ANK3: variants seen among roughly 807,000 people sequenced by gnomAD.
ANK3 encodes ankyrin-3.
Under a neutral mutation model 370.9 loss-of-function variants are expected in ANK3, and 57 were observed. That is an observed-to-expected ratio of 0.15 (90% CI 0.12 to 0.19). The LOEUF (loss-of-function observed/expected upper bound fraction) is 0.19. ANK3 is among the 10% of genes least tolerant of loss of function. ANK3 has a pLI of 1.00. For synonymous variants in ANK3, 1,929 were observed against 1,946.3 expected, an observed-to-expected ratio of 0.99 and a Z score of 0.23; for missense variants, 4,439 against 5,302.1, an observed-to-expected ratio of 0.84 and a Z score of 5.06.
intron 2 of ANK3, among the ~76,000 whole-genome samples, chr10:60,476,568 T>C (rs935261785): frequency 2.0e-5 from 3 of 152,218 alleles, no homozygotes; most frequent in South Asian, 2.1e-4. Context: ...AAAAATTATA[T>C]GTAGGCACTA....
At chr10:60,447,920 G>T (rs530252451) in intron 2 of ANK3, among the ~76,000 whole-genome samples, 1 of 152,118 alleles carries the variant, frequency 6.6e-6, no homozygotes, top group Non-Finnish European at 1.5e-5. Flanking sequence ...TTATGGTTTT[G>T]TTCCCCTTAA....
At chr10:60,222,213 G>C (rs2097071929) in intron 8 of ANK3, among the ~76,000 whole-genome samples, 1 of 152,164 alleles carries the variant, frequency 6.6e-6, no homozygotes, top group Non-Finnish European at 1.5e-5. Context: ...AGCTGCACAA[G>C]ATATCAATGA....
At chr10:60,657,559 T>G (rs1358828851) in intron 1 of ANK3, among the ~76,000 whole-genome samples, 1 of 152,216 alleles carries the variant, frequency 6.6e-6, no homozygotes, top group Non-Finnish European at 1.5e-5. Context: ...ATTTTAGTTT[T>G]ATTTTATTGT....
At chr10:60,586,321 C>T (rs1457771321) in intron 2 of ANK3, among the ~76,000 whole-genome samples, 1 of 152,152 alleles carries the variant, frequency 6.6e-6, no homozygotes, top group African/African-American at 2.4e-5. Context: ...CGAGAAATTT[C>T]TTTCAATGTC....
intron 2 of ANK3, among the ~76,000 whole-genome samples, chr10:60,424,930 T>C (rs921490820): frequency 6.6e-6 from 1 of 152,030 alleles, no homozygotes; most frequent in Admixed American, 6.6e-5. Context: ...GAAAGGCATA[T>C]ATGACCCCTA....
intron 23 of ANK3, among the ~76,000 whole-genome samples, chr10:60,164,687 C>G (rs2095579136): frequency 1.3e-5 from 2 of 152,050 alleles, no homozygotes. Flanking sequence ...TTTTTAAAGA[C>G]AGAATTGTCC....
At chr10:60,535,130 G>A (rs972808733) in intron 2 of ANK3, among the ~76,000 whole-genome samples, 8 of 152,128 alleles carry the variant, frequency 5.3e-5, no homozygotes, top group Non-Finnish European at 8.8e-5. Flanking sequence ...AGCAATACAG[G>A]TCACTGTAGA....
In ANK3 at chr10:60,123,664, G is replaced by T. The variant is rs927529516; in HGVS notation, c.2842-9333C>A. On this transcript the variant is annotated intron_variant, in intron 25 of 43. Transcript: ENST00000280772. Reference sequence around the variant, plus strand: ...GCTCTACCATCTATGGGTGAAGGTGGTCTTGCAAATTAACTGGTAGCCTTG... The same window carrying T: ...GCTCTACCATCTATGGGTGAAGGTGTTCTTGCAAATTAACTGGTAGCCTTG... Among the ~76,000 whole-genome samples the T allele has an allele frequency of 2.6e-5, 4 of 152,324 alleles. No homozygotes were observed. The South Asian group carries it at 6.2e-4, about 24-fold the overall frequency.
chr10:60,050,878 G>GTGTT (rs2077829938), intron 42 of ANK3: 1 of 147,280 alleles, frequency 6.8e-6, no homozygotes, highest in Admixed American at 6.7e-5. Flanking sequence ...TTTTTCTTGT[G>GTGTT]TGTTAGTAAA....
In ANK3 at chr10:60,138,993, C is replaced by G; in HGVS notation, c.2709G>C (p.Met903Ile). The change falls in exon 24 of 44, where the codon ATG becomes ATC. Residue 903 changes from methionine to isoleucine, a missense_variant. Around this residue, in one of 13 missense-constraint regions of ANK3, gnomAD observed 702 missense variants for 941.5 expected, o/e 0.75. Coordinates refer to ENST00000280772, the MANE Select transcript of ANK3 (RefSeq NM_020987.5). ...CAGAACGCGCTCCGAGACTAAAGCC[C>G]ATGTAACCCTCTGCAGGCAGGGAAT... ...GDDSLPAEGY[M>I]GFSLGARSAS... The G allele has an allele frequency of 6.2e-7, 1 of 1,613,830 alleles. No homozygotes were observed. Among genetic ancestry groups the G allele is most frequent in the Non-Finnish European group, 8.5e-7 (1 of 1,179,870 alleles).
At chr10:60,160,571 A>G (rs2095472805) in intron 23 of ANK3, among the ~76,000 whole-genome samples, 1 of 152,144 alleles carries the variant, frequency 6.6e-6, no homozygotes, top group Non-Finnish European at 1.5e-5. Context: ...TTACCATGAT[A>G]CCAAAACCAG....
chr10:60,518,726 A>G (rs1360057172), intron 2 of ANK3, among the ~76,000 whole-genome samples: 1 of 152,156 alleles, frequency 6.6e-6, no homozygotes, highest in Non-Finnish European at 1.5e-5. Flanking sequence ...ACACTTACTA[A>G]TTAACTTTAA....
chr10:60,226,786 C>G (rs1300864287), intron 8 of ANK3, among the ~76,000 whole-genome samples: 1 of 143,908 alleles, frequency 6.9e-6, no homozygotes, highest in Non-Finnish European at 1.5e-5. Flanking sequence ...AATTAATATA[C>G]CACTTTATGT....
At chr10:60,625,630 C>G (rs1459840328) in intron 1 of ANK3, among the ~76,000 whole-genome samples, 1 of 152,156 alleles carries the variant, frequency 6.6e-6, no homozygotes, top group Non-Finnish European at 1.5e-5. Flanking sequence ...CCTGGCTCAT[C>G]CTCCCCACTT....
intron 1 of ANK3, among the ~76,000 whole-genome samples, chr10:60,299,944 T>C (rs1244573219): frequency 1.3e-5 from 2 of 152,240 alleles, no homozygotes; most frequent in Non-Finnish European, 2.9e-5. Flanking sequence ...AGCTGAATTT[T>C]AAAGCTGTTG....
chr10:60,661,933 A>C (rs2078940807), intron 1 of ANK3, among the ~76,000 whole-genome samples: 1 of 152,272 alleles, frequency 6.6e-6, no homozygotes, highest in East Asian at 1.9e-4. Flanking sequence ...CCAGACGGGG[A>C]TTTGAACCAG....
intron 2 of ANK3, among the ~76,000 whole-genome samples, chr10:60,599,275 G>A (rs1030319015): frequency 6.6e-6 from 1 of 152,072 alleles, no homozygotes; most frequent in African/African-American, 2.4e-5. Context: ...TAAAAATTAA[G>A]AGCCCACTAA....
At position 60,470,133 on chromosome 10, in the gene ANK3, C is replaced by G. The variant is rs12260044; in HGVS notation, c.96+145053G>C. On this transcript the variant is annotated intron_variant, in intron 2 of 43. Transcript: ENST00000373827. ...TTTTTCGGCTTTCCTTGGTTTCCAG[C>G]TAGTCGAATCAGAAAAATCACAGAA... is the stretch of plus-strand genomic sequence containing the variant. Among the ~76,000 whole-genome samples, 467 of 152,182 alleles carry G rather than the reference C, an allele frequency of 3.1e-3. 4 individuals carry two copies. Among genetic ancestry groups the G allele is most frequent in the African/African-American group, 0.011 (455 of 41,524 alleles).
chr10:60,063,096 A>C lies in ANK3; in HGVS notation c.12595+15T>G. The stretch of plus-strand genomic sequence containing the variant: ...ATCAAATGATTAAATAAATATGAAC[A>C]CTAAATTCGATTACCATCAACAGGG... On this transcript the variant is annotated intron_variant, in intron 40 of 43. Coordinates refer to ENST00000280772, the MANE Select transcript of ANK3 (RefSeq NM_020987.5). 2 of 1,604,758 alleles carry C rather than the reference A, an allele frequency of 1.2e-6. No homozygotes were observed. Among genetic ancestry groups the C allele is most frequent in the Non-Finnish European group, 1.7e-6 (2 of 1,177,184 alleles).
Sources: gnomAD v4.1 joint callset for allele counts (sites outside exome capture counted in the v4.1 genomes callset) on GRCh38, gnomAD v4.1.1 for gene constraint, gnomAD v4.1.1 regional missense constraint, MANE v1.5 for transcripts, NCBI Gene and HGNC (gene_info 2026-07-23, HGNC 2026-07-21) for gene names.